Variants in SRGAP1 observed in about 807,000 individuals in gnomAD.
The protein encoded by SRGAP1 is SLIT-ROBO Rho GTPase-activating protein 1.
SRGAP1 carries 43 observed loss-of-function variants against 121.9 expected under a neutral mutation model. That is an observed-to-expected ratio of 0.35 (90% CI 0.28 to 0.46). SRGAP1 has a LOEUF of 0.46. Among genes scored for constraint, SRGAP1 ranks in the 20% least tolerant of loss-of-function variants. SRGAP1 has a pLI of 1.00. For missense variants in SRGAP1, 1,102 were observed against 1,350.9 expected, an observed-to-expected ratio of 0.82 and a Z score of 2.89; for synonymous variants, 447 against 485.4, an observed-to-expected ratio of 0.92 and a Z score of 1.04.
chr12:64,060,928 A>G (rs751236292), intron 6 of SRGAP1, among the ~76,000 whole-genome samples: 1 of 152,170 alleles, frequency 6.6e-6, no homozygotes, highest in Non-Finnish European at 1.5e-5. Context: ...CACTTAATCC[A>G]TGGCCAATTA....
chr12:64,016,721 A>G (rs937515333), intron 3 of SRGAP1, among the ~76,000 whole-genome samples: 4 of 152,114 alleles, frequency 2.6e-5, no homozygotes, highest in Non-Finnish European at 5.9e-5. Flanking sequence ...GTCTGTTTGG[A>G]TGGCGGGGGA....
At chr12:63,860,530 A>G (rs1899408059) in intron 1 of SRGAP1, among the ~76,000 whole-genome samples, 1 of 152,186 alleles carries the variant, frequency 6.6e-6, no homozygotes, top group Admixed American at 6.5e-5. Flanking sequence ...ATTTTCATCA[A>G]GGAGAAAAAA....
At position 64,114,332 on chromosome 12, in the gene SRGAP1, T is replaced by TA. The variant is rs1491126476; in HGVS notation, c.2145-1482_2145-1481insA. On this transcript the variant is annotated intron_variant, in intron 17 of 21. Coordinates refer to ENST00000355086, the MANE Select transcript of SRGAP1 (RefSeq NM_020762.4). ...GGCCAGTACCAAAGATATGGTTAGCTTTTTTTTTTTTTTTTTTTTTTTTTT... is the reference window on the plus strand; with the variant it reads ...GGCCAGTACCAAAGATATGGTTAGCTATTTTTTTTTTTTTTTTTTTTTTTTT... 4.8e-3 allele frequency among the ~76,000 whole-genome samples: 461 copies of TA among 95,492 alleles called. 4 individuals are homozygous for TA. Among genetic ancestry groups the TA allele is most frequent in the African/African-American group, 0.026 (450 of 17,530 alleles). The allele number at this position is 95,492 out of a possible 152,430, so 62.6% of individuals were successfully genotyped here.
chr12:63,966,214 G>A (rs1214100752), intron 1 of SRGAP1, among the ~76,000 whole-genome samples: 4 of 152,258 alleles, frequency 2.6e-5, no homozygotes, highest in African/African-American at 9.6e-5. Flanking sequence ...AATGTGGGAA[G>A]ATGTTTTAGG....
At chr12:63,995,839 C>T (rs1243891287) in intron 3 of SRGAP1, among the ~76,000 whole-genome samples, 1 of 151,138 alleles carries the variant, frequency 6.6e-6, no homozygotes, top group African/African-American at 2.4e-5. Flanking sequence ...TTATTTTGAT[C>T]AAAGACAGCC....
intron 4 of SRGAP1, among the ~76,000 whole-genome samples, chr12:64,023,198 T>A (rs2034586556): frequency 7.6e-6 from 1 of 131,236 alleles, no homozygotes; most frequent in Non-Finnish European, 1.6e-5. Context: ...TATGTTACTT[T>A]TGTACCAAAA....
At position 63,946,745 on chromosome 12, in the gene SRGAP1, A is replaced by G. The variant is rs1438302700; in HGVS notation, c.68-37202A>G. Among the ~76,000 whole-genome samples the G allele has an allele frequency of 2.0e-5, 3 of 152,132 alleles. No homozygotes were observed. In the East Asian group the frequency reaches 5.8e-4, roughly 29 times the overall value. On this transcript the variant is annotated intron_variant, in intron 1 of 21. Coordinates refer to ENST00000355086, the MANE Select transcript of SRGAP1 (RefSeq NM_020762.4). ...TTTTTAGTAGAGACGGGGTTTCTCC[A>G]TGCTGGCTAGGCTAGTCTCGAACTC... is the stretch of plus-strand genomic sequence containing the variant.
chr12:64,041,708 C>T (rs926593203), intron 4 of SRGAP1, among the ~76,000 whole-genome samples: 5 of 151,678 alleles, frequency 3.3e-5, no homozygotes, highest in African/African-American at 1.2e-4. Flanking sequence ...AACTGCCATC[C>T]CCTCACTACA....
chr12:64,008,822 T>C (rs1424466680), intron 3 of SRGAP1, among the ~76,000 whole-genome samples: 1 of 152,144 alleles, frequency 6.6e-6, no homozygotes, highest in Non-Finnish European at 1.5e-5. Context: ...AATGAGCAAA[T>C]TTCCTGCTTG....
At chr12:63,881,048 C>T (rs971374414) in intron 1 of SRGAP1, among the ~76,000 whole-genome samples, 1 of 152,174 alleles carries the variant, frequency 6.6e-6, no homozygotes, top group Non-Finnish European at 1.5e-5. Context: ...TTTTTAAATG[C>T]GCATAACCCA....
At chr12:63,905,627 G>A (rs1174578371) in intron 1 of SRGAP1, among the ~76,000 whole-genome samples, 1 of 152,142 alleles carries the variant, frequency 6.6e-6, no homozygotes, top group Non-Finnish European at 1.5e-5. Context: ...ACGTCGGAAA[G>A]GAGAAAAAGA....
At chr12:64,076,142 A>G (rs2035734022) in intron 8 of SRGAP1, among the ~76,000 whole-genome samples, 1 of 152,198 alleles carries the variant, frequency 6.6e-6, no homozygotes, top group East Asian at 1.9e-4. Flanking sequence ...ATGGTTTGGG[A>G]AAATAAACAT....
Position 64,156,858 on chromosome 12 carries a change from A to T in SRGAP1, c.*14186A>T, listed in dbSNP as rs1592368460. 1 of 152,310 alleles carries T rather than the reference A, an allele frequency of 6.6e-6. No homozygotes were observed. Among genetic ancestry groups the T allele is most frequent in the East Asian group, 1.9e-4 (1 of 5,186 alleles). 9.4% of individuals were successfully genotyped at this position (152,310 alleles called of 1,614,324 possible). The stretch of plus-strand genomic sequence containing the variant: ...TACCAACTGCCAGGGGTCAATGGCG[A>T]AAGAACACATTTCTCTAGGAAAGAT... On this transcript the variant is annotated 3_prime_UTR_variant, in exon 22 of 22. Transcript: ENST00000355086.
chr12:63,946,534 T>C (rs983001150), intron 1 of SRGAP1, among the ~76,000 whole-genome samples: 6 of 143,138 alleles, frequency 4.2e-5, no homozygotes, highest in Non-Finnish European at 7.5e-5. Flanking sequence ...GTATTTTCTT[T>C]TGTATTCTTT....
chr12:64,138,020 T>C (rs2036886849), intron 21 of SRGAP1, among the ~76,000 whole-genome samples: 1 of 151,012 alleles, frequency 6.6e-6, no homozygotes, highest in South Asian at 2.1e-4. Flanking sequence ...CATTTTTAAA[T>C]GTATAGTTCA....
At chr12:63,998,356 A>G (rs940306980) in intron 3 of SRGAP1, among the ~76,000 whole-genome samples, 1 of 152,244 alleles carries the variant, frequency 6.6e-6, no homozygotes, top group Non-Finnish European at 1.5e-5. Flanking sequence ...TGTTTAAGCA[A>G]CACTATAATG....
chr12:63,979,990 G>A (rs749233950), intron 1 of SRGAP1, among the ~76,000 whole-genome samples: 6 of 152,172 alleles, frequency 3.9e-5, no homozygotes, highest in Non-Finnish European at 8.8e-5. Context: ...AGCTGCAGCC[G>A]CCTGCGGCCC....
At position 64,148,676 on chromosome 12, in the gene SRGAP1, T is replaced by C. The variant is rs996252555; in HGVS notation, c.*6004T>C. On this transcript the variant is annotated 3_prime_UTR_variant, in exon 22 of 22. Coordinates refer to ENST00000355086, the MANE Select transcript of SRGAP1 (RefSeq NM_020762.4). ...GTAAAACAATGTAAGTTGTGCAAGA[T>C]TGAATATTGATAAGATATAAAGTTT... 2.0e-5 allele frequency: 3 copies of C among 152,186 alleles called. No individual in the cohort carries two copies. The highest frequency in any genetic ancestry group is 7.2e-5 in the African/African-American group (3 of 41,434). 9.4% of individuals were successfully genotyped at this position (152,186 alleles called of 1,614,324 possible). A position where few individuals can be genotyped will look rare whatever the true frequency, so the allele number is the denominator to read the frequency against.
chr12:64,041,124 C>T (rs2035010392), intron 4 of SRGAP1, among the ~76,000 whole-genome samples: 2 of 151,922 alleles, frequency 1.3e-5, no homozygotes, highest in African/African-American at 4.8e-5. Flanking sequence ...GTTTTTAACA[C>T]AACTTTATAA....
Sources: gnomAD v4.1 joint callset for allele counts (sites outside exome capture counted in the v4.1 genomes callset) on GRCh38, gnomAD v4.1.1 for gene constraint, MANE v1.5 for transcripts, NCBI Gene and HGNC (gene_info 2026-07-23, HGNC 2026-07-21) for gene names.